Variants in SLC2A6 observed in about 807,000 individuals in gnomAD.
SLC2A6 encodes solute carrier family 2 member 6.
Under a neutral mutation model 47.8 loss-of-function variants are expected in SLC2A6, and 39 were observed. The ratio of observed to expected loss-of-function variants is 0.82; its 90% CI spans 0.63 to 1.07. The LOEUF is 1.07. Ranked by LOEUF, SLC2A6 falls within the 50% of genes least tolerant of loss-of-function variation. SLC2A6 has a pLI of 0.00. For missense variants in SLC2A6, 650 were observed against 707.6 expected, an observed-to-expected ratio of 0.92 and a Z score of 0.92; for synonymous variants, 346 against 324.1, an observed-to-expected ratio of 1.07 and a Z score of -0.73.
intron 7 of SLC2A6, 85 bp from the exon 8 acceptor site, chr9:133,473,685 T>G (rs2131023432): frequency 7.4e-7 from 1 of 1,346,686 alleles, no homozygotes; most frequent in Non-Finnish European, 9.9e-7. Context: ...AGCCCCTTGA[T>G]ACTTGCGTGG....
In SLC2A6 at chr9:133,471,913, G is replaced by A. The variant is rs587767675; in HGVS notation, c.*108C>T. The A allele has an allele frequency of 5.0e-5, 67 of 1,328,762 alleles. No individual in the cohort carries two copies. Among genetic ancestry groups the A allele is most frequent in the African/African-American group, 7.3e-5 (5 of 68,616 alleles). The allele number at this position is 1,328,762 out of a possible 1,614,324, so 82.3% of individuals were successfully genotyped here. On this transcript the variant is annotated 3_prime_UTR_variant, in exon 10 of 10. Transcript: ENST00000371899. ...ATCACACTGCTCTTCCTGTGCTCTG[G>A]CTGGTGGCAGGGATGACTGCTGCCT...
At chr9:133,473,069 G>A in intron 9 of SLC2A6, 36 bp downstream of exon 9, 1 of 1,577,564 alleles carries the variant, frequency 6.3e-7, no homozygotes, top group Non-Finnish European at 8.6e-7. Flanking sequence ...AGTCAGAGAG[G>A]GCCTAGGGGC....
In SLC2A6 at chr9:133,473,906, C is replaced by G. The variant is rs943738432; in HGVS notation, c.1036+74G>C. The G allele has an allele frequency of 4.2e-6, 5 of 1,194,992 alleles. No individual in the cohort carries two copies. The African/African-American group carries it at 7.5e-5, about 18-fold the overall frequency. 74.0% of individuals were successfully genotyped at this position (1,194,992 alleles called of 1,614,324 possible). ...CCAGCCACACAGCCCCACCCCGAGG[C>G]AGGCCTGCACACCCAGCCCAGCCCT... On this transcript the variant is annotated intron_variant, in intron 7 of 9. Transcript: ENST00000371899.
In SLC2A6 at chr9:133,477,249, G is replaced by A. The variant is rs782389243; in HGVS notation, c.256-8C>T. 1.2e-5 allele frequency: 18 copies of A among 1,550,318 alleles called. No homozygotes were observed. The highest frequency in any genetic ancestry group is 3.4e-4 in the Middle Eastern group (2 of 5,886). On this transcript the variant is annotated splice_polypyrimidine_tract_variant and splice_region_variant and intron_variant, in intron 2 of 9. Transcript: ENST00000371899. ...TCCCAGGGTGAACACGGACTGCAGG[G>A]GAAGGGGGTGCAGGGCAGATATGTC...
At position 133,475,430 on chromosome 9, in the gene SLC2A6, G is replaced by C; in HGVS notation, c.744C>G (p.Phe248Leu). The C allele has an allele frequency of 1.2e-6, 2 of 1,609,276 alleles. No homozygotes were observed. The highest frequency in any genetic ancestry group is 1.1e-5 in the South Asian group (1 of 90,948). The change falls in exon 5 of 10, where the codon TTC becomes TTG. Residue 248 changes from phenylalanine to leucine, a missense_variant. By Grantham distance (22) the Phe-to-Leu change is conservative (BLOSUM62 0). Coordinates refer to ENST00000371899, the MANE Select transcript of SLC2A6 (RefSeq NM_017585.4). ...TCCGGACGTTGTCCTGGATCTGCTC[G>C]AACTCCCAGTGGACATCGACGTCCG... ...RGTDVDVHWEFEQIQDNVRRQ... is the reference protein window; with the variant it reads ...RGTDVDVHWELEQIQDNVRRQ...
Position 133,472,133 on chromosome 9 carries a change from A to G in SLC2A6, c.1412T>C (p.Ile471Thr), listed in dbSNP as rs782579885. 1.2e-6 allele frequency: 2 copies of G among 1,613,384 alleles called. No homozygotes were observed. The highest frequency in any genetic ancestry group is 1.7e-5 in the Admixed American group (1 of 60,008). ...LQVPFFFFAA[I>T]CLVSLVFTGC... Reference sequence around the variant, plus strand: ...TGTGAACACCAGGCTCACCAAGCAGATGGCCGCGAAGAAGAAGAAAGGCAC... The same window carrying G: ...TGTGAACACCAGGCTCACCAAGCAGGTGGCCGCGAAGAAGAAGAAAGGCAC... The change falls in exon 10 of 10, where the codon ATC becomes ACC. Residue 471 changes from isoleucine to threonine, a missense_variant. Transcript: ENST00000371899.
At chr9:133,474,874 T>C (rs1588242957) in intron 6 of SLC2A6, 87 bp downstream of exon 6, 1 of 1,337,252 alleles carries the variant, frequency 7.5e-7, no homozygotes, top group African/African-American at 1.5e-5. Flanking sequence ...AGGGGTTGGG[T>C]AAGTGCAGGA....
chr9:133,472,484 G>C (rs941264689), intron 9 of SLC2A6, among the ~76,000 whole-genome samples: 3 of 151,846 alleles, frequency 2.0e-5, no homozygotes, highest in Non-Finnish European at 4.4e-5. Flanking sequence ...TCCATGCCGC[G>C]GCCTGCAGGA....
chr9:133,473,134 C>T lies in SLC2A6; in HGVS notation c.1339G>A (p.Val447Ile), dbSNP rs781946360. Residue 447 changes from valine (V) to isoleucine (I), a missense_variant, in exon 9 of 10, where the codon GTC becomes ATC. Coordinates refer to ENST00000371899, the MANE Select transcript of SLC2A6 (RefSeq NM_017585.4). ...ACTGGCAGGAAGGACTTGGTGAGGA[C>T]GAAGGCGGTGAGCCAGCTGGCCAGC... ...CVLASWLTAF[V>I]LTKSFLPVVS... The T allele has an allele frequency of 2.5e-5, 40 of 1,611,288 alleles. No homozygotes were observed. Among genetic ancestry groups the T allele is most frequent in the Admixed American group, 1.7e-4 (10 of 59,798 alleles).
chr9:133,476,956 C>A, intron 3 of SLC2A6, 79 bp downstream of exon 3: 1 of 1,438,586 alleles, frequency 7.0e-7, no homozygotes, highest in African/African-American at 1.4e-5. Context: ...GGCATGGAGG[C>A]TGGGAGGCCT....
intron 9 of SLC2A6, 95 bp downstream of exon 9, chr9:133,473,010 C>T: frequency 6.6e-6 from 9 of 1,368,144 alleles, no homozygotes; most frequent in South Asian, 4.4e-5. Context: ...AGTTAGGGTC[C>T]TGACAGCAGG....
At position 133,472,241 on chromosome 9, in the gene SLC2A6, C is replaced by G; in HGVS notation, c.1369-65G>C. ...CCAGGGTCCTCCTGCCCCAGAGGAG[C>G]TCGTGGGCGCTGCTGGTAGTGACCA... On this transcript the variant is annotated intron_variant, in intron 9 of 9. Transcript: ENST00000371899. The G allele has an allele frequency of 1.9e-6, 3 of 1,576,590 alleles. No homozygotes were observed. In the South Asian group the frequency reaches 3.4e-5, roughly 18 times the overall value.
chr9:133,471,587 G>A lies in SLC2A6; in HGVS notation c.*434C>T, dbSNP rs587595824. 4.6e-4 allele frequency: 72 copies of A among 157,848 alleles called. No individual in the cohort carries two copies. In the Middle Eastern group the frequency reaches 0.016, roughly 35 times the overall value. 9.8% of individuals were successfully genotyped at this position (157,848 alleles called of 1,614,324 possible). On this transcript the variant is annotated 3_prime_UTR_variant, in exon 10 of 10. Coordinates refer to ENST00000371899, the MANE Select transcript of SLC2A6 (RefSeq NM_017585.4). Reference sequence around the variant, plus strand: ...CCATAAGACTTGTGAGGGCAAAGCCGGGTCTTCCTTGCACAGCCAGATGCC... The same window carrying A: ...CCATAAGACTTGTGAGGGCAAAGCCAGGTCTTCCTTGCACAGCCAGATGCC...
chr9:133,471,213 G>A lies in SLC2A6; in HGVS notation c.*808C>T, dbSNP rs1351360135. 7.9e-6 allele frequency: 1 copy of A among 126,774 alleles called. No homozygotes were observed. Among genetic ancestry groups the A allele is most frequent in the African/African-American group, 2.7e-5 (1 of 37,520 alleles). 7.9% of individuals were successfully genotyped at this position (126,774 alleles called of 1,614,324 possible). A position where few individuals can be genotyped will look rare whatever the true frequency, so the allele number is the denominator to read the frequency against. ...TGGCCACGCCAGGTCCTTTGCCCTGGCTTTTTTTTTTTTTTTTTTGGCAGG... is the reference window on the plus strand; with the variant it reads ...TGGCCACGCCAGGTCCTTTGCCCTGACTTTTTTTTTTTTTTTTTTGGCAGG... On this transcript the variant is annotated 3_prime_UTR_variant, in exon 10 of 10. Transcript: ENST00000371899.
chr9:133,473,754 G>A lies in SLC2A6; in HGVS notation c.1037-154C>T, dbSNP rs587612103. 7.5e-4 allele frequency: 623 copies of A among 834,342 alleles called. 1 individual carries two copies. The highest frequency in any genetic ancestry group is 9.1e-4 in the Non-Finnish European group (500 of 549,612). 51.7% of individuals were successfully genotyped at this position (834,342 alleles called of 1,614,324 possible). On this transcript the variant is annotated intron_variant, in intron 7 of 9. Transcript: ENST00000371899. ...AGGGCAGCAAGCTCTGTCTCCAGCC[G>A]CGTGTTAGGCTCCCACCGTGGAGTG... is the stretch of plus-strand genomic sequence containing the variant.
At chr9:133,476,148 G>T in intron 4 of SLC2A6, 89 bp downstream of exon 4, 2 of 1,051,584 alleles carry the variant, frequency 1.9e-6, no homozygotes, top group Non-Finnish European at 1.4e-6. Context: ...TCTGTTCTGG[G>T]ACAAATCATT....
chr9:133,478,252 A>T lies in SLC2A6; in HGVS notation c.255+2T>A. On this transcript the variant is annotated splice_donor_variant, in intron 2 of 9. Coordinates refer to ENST00000371899, the MANE Select transcript of SLC2A6 (RefSeq NM_017585.4). LOFTEE classifies it high-confidence loss of function. ...CACCCTCCTCCAGAGGATGGTCCTTACCCCAAACCAGGATGCCTGGGATTT... is the reference window on the plus strand; with the variant it reads ...CACCCTCCTCCAGAGGATGGTCCTTTCCCCAAACCAGGATGCCTGGGATTT... 1.9e-6 allele frequency: 3 copies of T among 1,613,814 alleles called. No individual in the cohort carries two copies. The highest frequency in any genetic ancestry group is 2.5e-6 in the Non-Finnish European group (3 of 1,179,936).
chr9:133,473,011 T>G (rs1554802049), intron 9 of SLC2A6, 94 bp downstream of exon 9: 3 of 1,376,922 alleles, frequency 2.2e-6, no homozygotes, highest in Non-Finnish European at 2.9e-6. Context: ...GTTAGGGTCC[T>G]GACAGCAGGC....
intron 6 of SLC2A6, 38 bp downstream of exon 6, chr9:133,474,923 A>T: frequency 6.8e-7 from 1 of 1,470,042 alleles, no homozygotes; most frequent in Non-Finnish European, 9.0e-7. Context: ...CCTCCAGGGG[A>T]CCCCGTGGGT....
Sources: gnomAD v4.1 joint callset for allele counts (sites outside exome capture counted in the v4.1 genomes callset) on GRCh38, gnomAD v4.1.1 for gene constraint, MANE v1.5 for transcripts, NCBI Gene and HGNC (gene_info 2026-07-23, HGNC 2026-07-21) for gene names.